The following SH3GL2 variants were observed in gnomAD, a reference collection of about 807,000 sequenced individuals.
SH3GL2 encodes the protein SH3 domain containing GRB2 like 2, endophilin A1.
A neutral mutation model predicts 46.0 loss-of-function variants in SH3GL2; 24 were observed. The observed-to-expected ratio is 0.52, with a 90% CI of 0.38 to 0.73. SH3GL2 has a LOEUF of 0.73. Ranked by LOEUF, SH3GL2 falls within the 30% of genes least tolerant of loss-of-function variation. SH3GL2 has a pLI of 0.00. For missense variants in SH3GL2, 413 were observed against 424.2 expected (o/e 0.97, Z 0.23); for synonymous variants, 196 against 147.1 (o/e 1.33, Z -2.40).
chr9:17,768,199 G>T (rs1031685208), intron 3 of SH3GL2, among the ~76,000 whole-genome samples: 5 of 151,756 alleles, frequency 3.3e-5, no homozygotes, highest in African/African-American at 1.2e-4. Context: ...GTGAAACTCT[G>T]TCTCTACTAA....
At chr9:17,684,838 T>A (rs1268520633) in intron 1 of SH3GL2, among the ~76,000 whole-genome samples, 1 of 152,140 alleles carries the variant, frequency 6.6e-6, no homozygotes. Context: ...CAAAATATCC[T>A]TCAAAATGAA....
intron 1 of SH3GL2, among the ~76,000 whole-genome samples, chr9:17,628,647 G>A (rs1819347185): frequency 6.6e-6 from 1 of 152,030 alleles, no homozygotes; most frequent in Non-Finnish European, 1.5e-5. Context: ...TTTTTAATGG[G>A]TAGCTTTTTA....
intron 1 of SH3GL2, among the ~76,000 whole-genome samples, chr9:17,640,509 A>G (rs1819653254): frequency 6.6e-6 from 1 of 152,158 alleles, no homozygotes. Context: ...AAGAAAACCA[A>G]CAACGTTGGT....
rs544006197 is a variant in SH3GL2, at chr9:17,656,330, A to C, written c.45+77043A>C. The stretch of plus-strand genomic sequence containing the variant: ...TATTCTTCAGAAGATTAACCAACTA[A>C]TGTATCATAAAATCGGTAGAGTAAC... On this transcript the variant is annotated intron_variant, in intron 1 of 8. Transcript: ENST00000380607. 2.9e-3 allele frequency among the ~76,000 whole-genome samples: 444 copies of C among 152,220 alleles called. 2 individuals are homozygous for C. Among genetic ancestry groups the C allele is most frequent in the South Asian group, 4.8e-3 (23 of 4,828 alleles).
At chr9:17,763,886 C>A (rs1823247167) in intron 3 of SH3GL2, among the ~76,000 whole-genome samples, 1 of 152,162 alleles carries the variant, frequency 6.6e-6, no homozygotes, top group Non-Finnish European at 1.5e-5. Flanking sequence ...GGGTAGGCTC[C>A]ATTTCATTTA....
At chr9:17,776,042 T>C (rs1729154048) in intron 3 of SH3GL2, among the ~76,000 whole-genome samples, 1 of 152,166 alleles carries the variant, frequency 6.6e-6, no homozygotes, top group Non-Finnish European at 1.5e-5. Flanking sequence ...TTTCCCAAAA[T>C]ACTGCCATCA....
Position 17,716,355 on chromosome 9 carries a change from G to C in SH3GL2, c.46-30711G>C, listed in dbSNP as rs115991975. 5.5e-3 allele frequency among the ~76,000 whole-genome samples: 840 copies of C among 152,220 alleles called. 6 individuals are homozygous for C. Among genetic ancestry groups the C allele is most frequent in the African/African-American group, 0.019 (797 of 41,554 alleles). On this transcript the variant is annotated intron_variant, in intron 1 of 8. Transcript: ENST00000380607. The stretch of plus-strand genomic sequence containing the variant: ...TTCTGGGACACAGCGAAATTACATG[G>C]AAACAGTTTTATTCTTTTGGGTCTT...
chr9:17,745,468 C>G (rs1295988903), intron 1 of SH3GL2, among the ~76,000 whole-genome samples: 1 of 152,080 alleles, frequency 6.6e-6, no homozygotes, highest in Non-Finnish European at 1.5e-5. Flanking sequence ...GTGTACCTAT[C>G]AAGGAATGGA....
intron 1 of SH3GL2, among the ~76,000 whole-genome samples, chr9:17,687,000 C>T (rs1185862005): frequency 6.6e-5 from 10 of 151,322 alleles, no homozygotes; most frequent in East Asian, 1.9e-4. Context: ...AATGGAATTG[C>T]AACTGTGAAC....
chr9:17,635,067 A>G (rs957877622), intron 1 of SH3GL2, among the ~76,000 whole-genome samples: 1 of 152,166 alleles, frequency 6.6e-6, no homozygotes, highest in African/African-American at 2.4e-5. Flanking sequence ...TTTGTTGTAC[A>G]GATGATTTCA....
intron 1 of SH3GL2, among the ~76,000 whole-genome samples, chr9:17,601,303 G>A (rs2134563688): frequency 6.6e-6 from 1 of 152,088 alleles, no homozygotes; most frequent in South Asian, 2.1e-4. Context: ...GTGAAAGGTG[G>A]AAAAAATAAA....
intron 2 of SH3GL2, chr9:17,755,802 A>C (rs1168095271): frequency 1.0e-6 from 1 of 983,964 alleles, no homozygotes; most frequent in Non-Finnish European, 1.2e-6. Context: ...ACCTAAGTTC[A>C]GGAAATACCA....
Position 17,706,949 on chromosome 9 carries a change from T to C in SH3GL2, c.46-40117T>C, listed in dbSNP as rs977620240. Among the ~76,000 whole-genome samples, 3 of 152,036 alleles carry C rather than the reference T, an allele frequency of 2.0e-5. No homozygotes were observed. In the South Asian group the frequency reaches 6.2e-4, roughly 31 times the overall value. ...GCAGTGTGCTTTGGCCAGAGAAATG[T>C]AGCATTTCAGAGTAAAAGGGATTTT... On this transcript the variant is annotated intron_variant, in intron 1 of 8. Transcript: ENST00000380607.
intron 1 of SH3GL2, among the ~76,000 whole-genome samples, chr9:17,724,119 T>C (rs564358820): frequency 6.6e-6 from 1 of 152,204 alleles, no homozygotes; most frequent in East Asian, 1.9e-4. Flanking sequence ...TGATTATGTG[T>C]TGGTTTGCTA....
intron 6 of SH3GL2, 39 bp from the exon 7 acceptor site, chr9:17,791,192 C>A: frequency 7.2e-7 from 1 of 1,397,538 alleles, no homozygotes; most frequent in Non-Finnish European, 1.0e-6. Context: ...GGGATGGTAA[C>A]GTGTAAAACT....
chr9:17,604,192 T>G (rs1326543232), intron 1 of SH3GL2, among the ~76,000 whole-genome samples: 1 of 152,148 alleles, frequency 6.6e-6, no homozygotes, highest in East Asian at 1.9e-4. Context: ...GTGGGCTTCT[T>G]CCTTCAGTTT....
At position 17,796,663 on chromosome 9, in the gene SH3GL2, G is replaced by C. The variant is rs2131200162; in HGVS notation, c.*920G>C. On this transcript the variant is annotated 3_prime_UTR_variant, in exon 9 of 9. Coordinates refer to ENST00000380607, the MANE Select transcript of SH3GL2 (RefSeq NM_003026.5). The stretch of plus-strand genomic sequence containing the variant: ...AACACTAGTAACCATCTTTCCACTA[G>C]TTCATATACTGAGAAACAGTAAATA... 6.5e-6 allele frequency: 1 copy of C among 152,760 alleles called. No individual in the cohort carries two copies. The highest frequency in any genetic ancestry group is 1.5e-5 in the Non-Finnish European group (1 of 68,030). 9.5% of individuals were successfully genotyped at this position (152,760 alleles called of 1,614,324 possible).
At chr9:17,639,985 A>G (rs1285039769) in intron 1 of SH3GL2, among the ~76,000 whole-genome samples, 1 of 152,182 alleles carries the variant, frequency 6.6e-6, no homozygotes, top group Non-Finnish European at 1.5e-5. Context: ...GAGAGATGGC[A>G]TTTGACTACA....
chr9:17,795,668 T>C lies in SH3GL2; in HGVS notation c.984T>C (p.Tyr328=), dbSNP rs1824254437. The change falls in exon 9 of 9, where the codon TAT becomes TAC. Residue 328 remains tyrosine, a synonymous_variant. Coordinates refer to ENST00000380607, the MANE Select transcript of SH3GL2 (RefSeq NM_003026.5). ...TLTNQIDENW[Y]EGMLHGHSGF... is the part of the protein sequence containing the mutation. ...CTAACCAAATTGATGAGAACTGGTA[T>C]GAGGGGATGCTGCATGGCCATTCAG... 6.2e-7 allele frequency: 1 copy of C among 1,613,860 alleles called. No individual in the cohort carries two copies. Among genetic ancestry groups the C allele is most frequent in the African/African-American group, 1.3e-5 (1 of 74,928 alleles).
Sources: allele counts gnomAD v4.1 joint callset (sites outside exome capture counted in the v4.1 genomes callset), GRCh38; gene constraint gnomAD v4.1.1; transcripts MANE v1.5; gene names NCBI Gene and HGNC (gene_info 2026-07-23, HGNC 2026-07-21).